The following TMEM242 variants were observed in gnomAD, a reference collection of about 807,000 sequenced individuals.
TMEM242 encodes the protein UPF0463 transmembrane protein C6orf35.
TMEM242 carries 10 observed loss-of-function variants against 18.2 expected under a neutral mutation model. That is an observed-to-expected ratio of 0.55 (90% CI 0.34 to 0.93). The LOEUF (loss-of-function observed/expected upper bound fraction) is 0.93. Among genes scored for constraint, TMEM242 ranks in the 40% least tolerant of loss-of-function variants. The pLI is 0.02. For synonymous variants in TMEM242, 57 were observed against 69.9 expected, an observed-to-expected ratio of 0.81 and a Z score of 0.92; for missense variants, 186 against 175.5, an observed-to-expected ratio of 1.06 and a Z score of -0.34.
intron 3 of TMEM242, among the ~76,000 whole-genome samples, 158 bp from the exon 4 acceptor site, chr6:157,293,157 C>G (rs1777705900): frequency 6.6e-6 from 1 of 152,100 alleles, no homozygotes; most frequent in Non-Finnish European, 1.5e-5. Context: ...TCCTAGGTAT[C>G]TTGAAAGAAA....
chr6:157,295,344 CT>C (rs1443843782), intron 3 of TMEM242, among the ~76,000 whole-genome samples: 1 of 152,236 alleles, frequency 6.6e-6, no homozygotes, highest in Non-Finnish European at 1.5e-5. Context: ...CACTGAGGAA[CT>C]TTGCATAGAC....
intron 2 of TMEM242, among the ~76,000 whole-genome samples, chr6:157,319,767 T>C (rs1778463354): frequency 6.6e-6 from 1 of 152,218 alleles, no homozygotes; most frequent in South Asian, 2.1e-4. Flanking sequence ...CCCAGGCTAA[T>C]GGATAGAAGT....
At chr6:157,315,681 C>T (rs1202064179) in intron 3 of TMEM242, among the ~76,000 whole-genome samples, 2 of 152,074 alleles carry the variant, frequency 1.3e-5, no homozygotes, top group Non-Finnish European at 2.9e-5. Flanking sequence ...TCAGTAGTGC[C>T]AACCAGAAAA....
intron 3 of TMEM242, among the ~76,000 whole-genome samples, chr6:157,310,704 GC>G: frequency 6.6e-6 from 1 of 152,170 alleles, no homozygotes. Flanking sequence ...TCATCATAGT[GC>G]CCCAGTGTGC....
At chr6:157,300,228 G>A (rs1777809771) in intron 3 of TMEM242, 3 of 412,764 alleles carry the variant, frequency 7.3e-6, no homozygotes, top group Non-Finnish European at 1.4e-5. Flanking sequence ...GCCCTCTGTG[G>A]CGAGTGCGCA....
At chr6:157,317,373 T>A (rs1562388354) in intron 3 of TMEM242, among the ~76,000 whole-genome samples, 1 of 152,168 alleles carries the variant, frequency 6.6e-6, no homozygotes, top group East Asian at 1.9e-4. Flanking sequence ...AGTCAGTCAC[T>A]TCTCCTTGAA....
chr6:157,315,661 A>G (rs1554250269), intron 3 of TMEM242, among the ~76,000 whole-genome samples: 1 of 152,206 alleles, frequency 6.6e-6, no homozygotes, highest in Non-Finnish European at 1.5e-5. Context: ...GATTCCACAT[A>G]TTCTTATATT....
chr6:157,319,295 G>C (rs782345896), intron 2 of TMEM242, among the ~76,000 whole-genome samples: 2 of 152,188 alleles, frequency 1.3e-5, no homozygotes, highest in Non-Finnish European at 2.9e-5. Context: ...TTTCAGATAA[G>C]TAAACTTTGC....
At chr6:157,323,186 G>A (rs1778522207) in intron 1 of TMEM242, among the ~76,000 whole-genome samples, 3 of 152,156 alleles carry the variant, frequency 2.0e-5, no homozygotes, top group Admixed American at 1.3e-4. Context: ...TGGCACGCCC[G>A]GGAGAATAGC....
chr6:157,312,883 TA>T (rs1778225707), intron 3 of TMEM242, among the ~76,000 whole-genome samples: 1 of 66,856 alleles, frequency 1.5e-5, no homozygotes. Context: ...TGCACTCACC[TA>T]GCCTCATCAT....
intron 2 of TMEM242, among the ~76,000 whole-genome samples, chr6:157,320,552 C>A (rs1005057276): frequency 6.6e-6 from 1 of 151,640 alleles, no homozygotes; most frequent in East Asian, 1.9e-4. Context: ...CTCACTGCAA[C>A]CTCCACCTTC....
intron 3 of TMEM242, among the ~76,000 whole-genome samples, chr6:157,298,259 T>G (rs1024540758): frequency 6.6e-6 from 1 of 152,242 alleles, no homozygotes; most frequent in African/African-American, 2.4e-5. Flanking sequence ...CAGGAGCGAT[T>G]CTAAAATGAT....
At chr6:157,310,379 C>A (rs1016771026) in intron 3 of TMEM242, among the ~76,000 whole-genome samples, 1 of 148,650 alleles carries the variant, frequency 6.7e-6, no homozygotes, top group Non-Finnish European at 1.5e-5. Flanking sequence ...AGTGTGCACT[C>A]ACCTGGCCTC....
At chr6:157,311,620 G>T (rs1554248888) in intron 3 of TMEM242, among the ~76,000 whole-genome samples, 34 of 140,816 alleles carry the variant, frequency 2.4e-4, no homozygotes, top group Non-Finnish European at 5.1e-4. Context: ...GTGTCCCAGT[G>T]TGCGCTCACC....
At chr6:157,312,822 A>T (rs1583570113) in intron 3 of TMEM242, among the ~76,000 whole-genome samples, 2 of 151,184 alleles carry the variant, frequency 1.3e-5, no homozygotes, top group Non-Finnish European at 2.9e-5. Context: ...AACTAGCCTC[A>T]TCATAGTGCC....
chr6:157,318,582 G>T, intron 3 of TMEM242, 200 bp downstream of exon 3: 1 of 570,148 alleles, frequency 1.8e-6, no homozygotes, highest in Non-Finnish European at 3.0e-6. Context: ...TATATTTGAA[G>T]TTTTACCACC....
intron 3 of TMEM242, among the ~76,000 whole-genome samples, chr6:157,311,257 T>C (rs1222690751): frequency 1.2e-3 from 125 of 108,014 alleles, no homozygotes; most frequent in East Asian, 2.9e-3. Context: ...TGCGCTCACC[T>C]AGCCTCATCA....
At chr6:157,300,129 C>T (rs1777807898) in intron 3 of TMEM242, 1 of 617,490 alleles carries the variant, frequency 1.6e-6, no homozygotes. Context: ...CAACTCATGG[C>T]TGCTCACTCA....
rs183676583 is a variant in TMEM242 at position 157,295,769 on chromosome 6, T to G, written c.328-2770A>C. ...TATCTGAAAAGTAACTAACTAGGAA[T>G]AGACAGGCCTGAGATGAGGGAAAGG... On this transcript the variant is annotated intron_variant, in intron 3 of 3. Transcript: ENST00000400788. Among the ~76,000 whole-genome samples the G allele has an allele frequency of 1.8e-4, 28 of 152,256 alleles. No homozygotes were observed. The East Asian group carries it at 3.5e-3, about 19-fold the overall frequency.
Sources: gnomAD v4.1 joint callset for allele counts (sites outside exome capture counted in the v4.1 genomes callset) on GRCh38, gnomAD v4.1.1 for gene constraint, MANE v1.5 for transcripts, NCBI Gene and HGNC (gene_info 2026-07-23, HGNC 2026-07-21) for gene names.